The following CD96 variants were observed in gnomAD, a reference collection of about 807,000 sequenced individuals.
CD96 encodes the protein CD96 molecule.
Under a neutral mutation model 71.3 loss-of-function variants are expected in CD96, and 70 were observed. The ratio of observed to expected loss-of-function variants is 0.98; its 90% CI spans 0.81 to 1.20. The LOEUF is 1.20. Among genes scored for constraint, CD96 ranks in the 50% most tolerant of loss-of-function variants. CD96 has a pLI of 0.00. For missense variants in CD96, 742 were observed against 677.5 expected, an observed-to-expected ratio of 1.10 and a Z score of -1.06; for synonymous variants, 248 against 233.0, an observed-to-expected ratio of 1.06 and a Z score of -0.59.
intron 2 of CD96, among the ~76,000 whole-genome samples, chr3:111,564,289 C>T (rs1158751685): frequency 6.6e-6 from 1 of 151,520 alleles, no homozygotes; most frequent in East Asian, 1.9e-4. Context: ...ATCTTCTTTG[C>T]ATATCATTTC....
chr3:111,647,810 G>A (rs1215977691), intron 13 of CD96, 144 bp downstream of exon 13: 1 of 668,348 alleles, frequency 1.5e-6, no homozygotes, highest in African/African-American at 1.8e-5. Flanking sequence ...AGATTATATA[G>A]CTTTCCCAGC....
At chr3:111,626,690 T>A (rs185976384) in intron 10 of CD96, among the ~76,000 whole-genome samples, 78 of 152,308 alleles carry the variant, frequency 5.1e-4, no homozygotes, top group East Asian at 4.0e-3. Flanking sequence ...ATGGCCATAG[T>A]CAGGAGGACA....
chr3:111,588,178 A>G (rs528353020), intron 5 of CD96, among the ~76,000 whole-genome samples: 23 of 152,330 alleles, frequency 1.5e-4, no homozygotes, highest in Non-Finnish European at 2.9e-4. Context: ...TGCCTTTAAC[A>G]GCACCCAAGT....
At position 111,594,032 on chromosome 3, in the gene CD96, G is replaced by A. The variant is rs1937131883; in HGVS notation, c.808-4088G>A. ...AGGAGCTAGGTGGAAATATTCCCAT[G>A]CCTCAGAGAACCGGGTGCCCTTGTT... On this transcript the variant is annotated intron_variant, in intron 5 of 13. Coordinates refer to ENST00000352690, the MANE Select transcript of CD96 (RefSeq NM_005816.5). 1.2e-6 allele frequency: 2 copies of A among 1,614,046 alleles called. No individual in the cohort carries two copies.
chr3:111,605,460 T>C (rs1183130564), intron 7 of CD96, among the ~76,000 whole-genome samples: 1 of 152,100 alleles, frequency 6.6e-6, no homozygotes, highest in African/African-American at 2.4e-5. Flanking sequence ...CATCAGGAAA[T>C]TGGGAGTGTA....
At chr3:111,578,479 T>G (rs951694639) in intron 3 of CD96, among the ~76,000 whole-genome samples, 1 of 152,150 alleles carries the variant, frequency 6.6e-6, no homozygotes, top group Non-Finnish European at 1.5e-5. Flanking sequence ...GGGCACAAAA[T>G]TTAAGGAGGT....
rs1937466555 is a variant in CD96 at position 111,600,919 on chromosome 3, G to C, written c.1087+5G>C. 1 of 1,576,718 alleles carries C rather than the reference G, an allele frequency of 6.3e-7. No homozygotes were observed. The highest frequency in any genetic ancestry group is 8.7e-7 in the Non-Finnish European group (1 of 1,146,434). On this transcript the variant is annotated splice_donor_5th_base_variant and intron_variant, in intron 7 of 13. Transcript: ENST00000352690. ...AAAAGATCACTTTTCTCTTAGGTGA[G>C]TTGTCTATTTAATAAGATCAACAAG...
chr3:111,662,367 T>C (rs1344882592), intron 14 of CD96, among the ~76,000 whole-genome samples: 9 of 152,218 alleles, frequency 5.9e-5, no homozygotes, highest in African/African-American at 1.7e-4. Context: ...AACATTCAGC[T>C]CTTCTTTACT....
intron 4 of CD96, among the ~76,000 whole-genome samples, chr3:111,579,858 C>T (rs1936388950): frequency 1.3e-5 from 2 of 152,148 alleles, no homozygotes; most frequent in South Asian, 4.1e-4. Context: ...GATTAAGTTT[C>T]AATATGAATT....
At chr3:111,656,978 C>A (rs1940244672), downstream of CD96, among the ~76,000 whole-genome samples, 1 of 150,700 alleles carries the variant, frequency 6.6e-6, no homozygotes, top group Admixed American at 6.6e-5. Flanking sequence ...TATTAGTATT[C>A]TATGTATTAA....
chr3:111,561,794 G>A (rs1188325137), intron 2 of CD96, among the ~76,000 whole-genome samples: 13 of 150,144 alleles, frequency 8.7e-5, no homozygotes, highest in South Asian at 8.6e-4. Flanking sequence ...AATGGCGGGC[G>A]CCCCTCCCCC....
chr3:111,620,289 G>A (rs1474742396), intron 8 of CD96, among the ~76,000 whole-genome samples: 1 of 152,192 alleles, frequency 6.6e-6, no homozygotes, highest in Non-Finnish European at 1.5e-5. Context: ...AGTATTCCCA[G>A]TGCCAAGCAC....
chr3:111,582,221 A>C (rs1165708178), intron 4 of CD96, among the ~76,000 whole-genome samples: 1 of 152,198 alleles, frequency 6.6e-6, no homozygotes, highest in East Asian at 1.9e-4. Context: ...CAGTATGCCA[A>C]GGTAAATGGC....
intron 5 of CD96, among the ~76,000 whole-genome samples, chr3:111,591,353 G>A (rs1335946503): frequency 1.6e-5 from 2 of 124,456 alleles, no homozygotes; most frequent in African/African-American, 3.0e-5. Flanking sequence ...TGCCTGGCAA[G>A]AGAGTGAGAC....
At chr3:111,550,860 T>C (rs1478980078) in intron 2 of CD96, among the ~76,000 whole-genome samples, 1 of 152,150 alleles carries the variant, frequency 6.6e-6, no homozygotes, top group South Asian at 2.1e-4. Flanking sequence ...GAAATGGTAG[T>C]GAAAACAATT....
intron 5 of CD96, chr3:111,593,892 T>A (rs1225529299): frequency 6.2e-6 from 10 of 1,613,394 alleles, no homozygotes; most frequent in Non-Finnish European, 8.5e-6. Flanking sequence ...CTGTGCATGC[T>A]TTTCAGATGC....
At chr3:111,645,372 G>A (rs964880577) in intron 12 of CD96, among the ~76,000 whole-genome samples, 3 of 152,088 alleles carry the variant, frequency 2.0e-5, no homozygotes, top group Non-Finnish European at 4.4e-5. Flanking sequence ...GACTTGGAGG[G>A]AAGAATGAGA....
At chr3:111,626,067 G>C (rs756945397) in intron 10 of CD96, among the ~76,000 whole-genome samples, 2 of 152,128 alleles carry the variant, frequency 1.3e-5, no homozygotes, top group Non-Finnish European at 2.9e-5. Flanking sequence ...ACTTTGGGAG[G>C]CTGAGGCGGG....
intron 3 of CD96, 77 bp downstream of exon 3, chr3:111,567,724 A>T: frequency 7.8e-7 from 1 of 1,281,914 alleles, no homozygotes; most frequent in Non-Finnish European, 1.1e-6. Flanking sequence ...AGCAGTAATA[A>T]TAGGGAAGGA....
Sources: allele counts gnomAD v4.1 joint callset (sites outside exome capture counted in the v4.1 genomes callset), GRCh38; gene constraint gnomAD v4.1.1; transcripts MANE v1.5; gene names NCBI Gene and HGNC (gene_info 2026-07-23, HGNC 2026-07-21).